The following LIN52 variants were observed in gnomAD, a reference collection of about 807,000 sequenced individuals.
LIN52 encodes lin-52 DREAM MuvB core complex component.
In LIN52, 4 loss-of-function variants were observed where a neutral mutation model predicts 18.5. The ratio of observed to expected loss-of-function variants is 0.22; its 90% CI spans 0.11 to 0.49. LIN52 has a LOEUF of 0.49. Among genes scored for constraint, LIN52 ranks in the 20% least tolerant of loss-of-function variants. LIN52 has a pLI of 0.97. For synonymous variants in LIN52, 34 were observed against 45.5 expected (o/e 0.75, Z 1.02); for missense variants, 102 against 139.5 (o/e 0.73, Z 1.35).
intron 5 of LIN52, among the ~76,000 whole-genome samples, chr14:74,127,944 A>G (rs903119578): frequency 2.0e-5 from 3 of 152,144 alleles, no homozygotes; most frequent in African/African-American, 7.2e-5. Context: ...GATGACTCCT[A>G]GATTTCTCTT....
At chr14:74,119,059 C>T (rs2060981250) in intron 5 of LIN52, among the ~76,000 whole-genome samples, 1 of 151,880 alleles carries the variant, frequency 6.6e-6, no homozygotes, top group South Asian at 2.1e-4. Context: ...CCTCGTTCTA[C>T]TAATGATGGA....
At chr14:74,163,979 C>T (rs551040598) in intron 5 of LIN52, among the ~76,000 whole-genome samples, 1 of 137,906 alleles carries the variant, frequency 7.3e-6, no homozygotes, top group East Asian at 2.0e-4. Context: ...GGGGTCTGTA[C>T]TGAAATTTTT....
chr14:74,091,967 T>G (rs576242734), intron 2 of LIN52, among the ~76,000 whole-genome samples: 10 of 152,010 alleles, frequency 6.6e-5, no homozygotes, highest in Non-Finnish European at 1.5e-4. Context: ...TAAGGAGCCA[T>G]TAAACAATAA....
At chr14:74,120,572 T>C (rs2060993212) in intron 5 of LIN52, among the ~76,000 whole-genome samples, 1 of 152,010 alleles carries the variant, frequency 6.6e-6, no homozygotes. Context: ...CTGGCCAGCA[T>C]TGTGAAACCC....
intron 5 of LIN52, among the ~76,000 whole-genome samples, chr14:74,158,122 TA>T (rs536870068): frequency 0.019 from 1,122 of 59,092 alleles, 9 homozygotes; most frequent in African/African-American, 0.043. Flanking sequence ...TATATATATA[TA>T]TATTTTTTTG....
intron 4 of LIN52, among the ~76,000 whole-genome samples, chr14:74,098,633 C>T (rs2060831910): frequency 2.0e-5 from 3 of 151,450 alleles, no homozygotes; most frequent in South Asian, 4.2e-4. Flanking sequence ...CTGCAACCTC[C>T]GCCTCCTGGG....
intron 5 of LIN52, among the ~76,000 whole-genome samples, chr14:74,117,937 T>C (rs2060974662): frequency 6.6e-6 from 1 of 152,216 alleles, no homozygotes; most frequent in South Asian, 2.1e-4. Flanking sequence ...CAAAAAAAAT[T>C]TGAAAAATAA....
intron 5 of LIN52, among the ~76,000 whole-genome samples, chr14:74,141,691 A>G (rs894689167): frequency 2.6e-5 from 4 of 152,210 alleles, no homozygotes; most frequent in Non-Finnish European, 5.9e-5. Flanking sequence ...ACATATGTGT[A>G]GTGATATGCA....
intron 5 of LIN52, among the ~76,000 whole-genome samples, chr14:74,102,168 G>A (rs947340472): frequency 3.9e-5 from 6 of 152,110 alleles, no homozygotes; most frequent in Non-Finnish European, 7.3e-5. Context: ...ACTTGAACCT[G>A]GGAGGCAGAG....
At chr14:74,089,692 A>T (rs756621699) in intron 1 of LIN52, among the ~76,000 whole-genome samples, 1 of 152,086 alleles carries the variant, frequency 6.6e-6, no homozygotes, top group Non-Finnish European at 1.5e-5. Context: ...TTATATGTAA[A>T]TAGAGAGGGA....
chr14:74,096,407 G>A (rs1235537904), intron 3 of LIN52, among the ~76,000 whole-genome samples: 1 of 151,922 alleles, frequency 6.6e-6, no homozygotes, highest in Non-Finnish European at 1.5e-5. Flanking sequence ...TTCCCAGGCT[G>A]GTCTTGAACT....
chr14:74,128,305 C>T (rs113879874), intron 5 of LIN52, among the ~76,000 whole-genome samples: 9 of 151,996 alleles, frequency 5.9e-5, no homozygotes, highest in African/African-American at 1.4e-4. Flanking sequence ...AGCAGAGTAC[C>T]GGAGAGGAGA....
At chr14:74,128,467 G>C (rs1414034857) in intron 5 of LIN52, among the ~76,000 whole-genome samples, 5 of 152,162 alleles carry the variant, frequency 3.3e-5, no homozygotes, top group African/African-American at 9.7e-5. Flanking sequence ...GCACCACTGG[G>C]CCAGTAATAG....
chr14:74,192,989 A>C (rs1330798081), intron 5 of LIN52, among the ~76,000 whole-genome samples: 1 of 152,040 alleles, frequency 6.6e-6, no homozygotes, highest in Non-Finnish European at 1.5e-5. Flanking sequence ...GCATAAAGTG[A>C]CTGGCATTTG....
intron 5 of LIN52, among the ~76,000 whole-genome samples, chr14:74,186,755 T>A (rs1175772668): frequency 6.6e-6 from 1 of 152,110 alleles, no homozygotes; most frequent in Non-Finnish European, 1.5e-5. Context: ...TCTAGCACTT[T>A]GGGAGGCCGA....
chr14:74,124,841 G>A (rs1264196059), intron 5 of LIN52, among the ~76,000 whole-genome samples: 1 of 143,654 alleles, frequency 7.0e-6, no homozygotes, highest in African/African-American at 2.6e-5. Flanking sequence ...AAAGCTGAGA[G>A]GCTCTTGATA....
chr14:74,109,127 C>T (rs2060913095), intron 5 of LIN52, among the ~76,000 whole-genome samples: 1 of 152,134 alleles, frequency 6.6e-6, no homozygotes, highest in Admixed American at 6.6e-5. Context: ...ATCCAGTTTT[C>T]TTAGCATCGT....
In LIN52 at chr14:74,200,680, A is replaced by G. The variant is rs971533881; in HGVS notation, c.*1703A>G. The G allele has an allele frequency of 2.6e-5, 4 of 152,378 alleles. No homozygotes were observed. The highest frequency in any genetic ancestry group is 1.3e-4 in the Admixed American group (2 of 15,308). The allele number at this position is 152,378 out of a possible 1,614,324, so 9.4% of individuals were successfully genotyped here. On this transcript the variant is annotated 3_prime_UTR_variant, in exon 6 of 6. Coordinates refer to ENST00000555028, the MANE Select transcript of LIN52 (RefSeq NM_001024674.3). ...AAAGACTTAACACAAGATAGGAAAG[A>G]TGAGTATGAGAAGTAAAACATTCTG...
chr14:74,108,160 A>G (rs1566849333), intron 5 of LIN52, among the ~76,000 whole-genome samples: 1 of 152,184 alleles, frequency 6.6e-6, no homozygotes, highest in Non-Finnish European at 1.5e-5. Context: ...TTCTGTTAAG[A>G]TAATGTTTTC....
Sources: allele counts gnomAD v4.1 joint callset (sites outside exome capture counted in the v4.1 genomes callset), GRCh38; gene constraint gnomAD v4.1.1; transcripts MANE v1.5; gene names NCBI Gene and HGNC (gene_info 2026-07-23, HGNC 2026-07-21).